The following NLRP13 variants were observed in gnomAD, a reference collection of about 807,000 sequenced individuals.
The protein encoded by NLRP13 is NACHT, LRR and PYD domains-containing protein 13.
In NLRP13, 82 loss-of-function variants were observed where a neutral mutation model predicts 94.4. The observed-to-expected ratio is 0.87, with a 90% CI of 0.73 to 1.04. The LOEUF is 1.04. NLRP13 is among the 50% of genes least tolerant of loss of function. NLRP13 has a pLI of 0.00. For missense variants in NLRP13, 1,426 were observed against 1,230.8 expected, an observed-to-expected ratio of 1.16 and a Z score of -2.37; for synonymous variants, 553 against 464.7, an observed-to-expected ratio of 1.19 and a Z score of -2.45.
At chr19:55,931,884 T>G (rs1023715790) in intron 1 of NLRP13, 109 bp downstream of exon 1, 2 of 874,954 alleles carry the variant, frequency 2.3e-6, no homozygotes, top group African/African-American at 3.4e-5. Flanking sequence ...AAGGAGGATT[T>G]GTAGGGGGAG....
At chr19:55,915,668 G>A (rs926285852) in intron 4 of NLRP13, among the ~76,000 whole-genome samples, 1 of 152,064 alleles carries the variant, frequency 6.6e-6, no homozygotes, top group African/African-American at 2.4e-5. Flanking sequence ...GAGCCCAACA[G>A]AGAACTCATA....
chr19:55,915,049 G>T (rs1296599575), intron 4 of NLRP13, among the ~76,000 whole-genome samples: 5 of 152,118 alleles, frequency 3.3e-5, no homozygotes, highest in African/African-American at 1.2e-4. Flanking sequence ...GGAATGGCAC[G>T]GGGAAAAGAG....
intron 4 of NLRP13, among the ~76,000 whole-genome samples, chr19:55,918,097 A>C (rs1268103301): frequency 1.3e-5 from 2 of 152,058 alleles, no homozygotes; most frequent in Admixed American, 1.3e-4. Context: ...ACTAGAAATC[A>C]ATCTCAAGAG....
intron 7 of NLRP13, among the ~76,000 whole-genome samples, chr19:55,906,758 C>A (rs5006863): frequency 6.8e-6 from 1 of 146,774 alleles, no homozygotes; most frequent in East Asian, 2.0e-4. Context: ...TTACAGACCC[C>A]CCCCTGCTCC....
At chr19:55,913,541 T>C (rs1600270396) in intron 4 of NLRP13, among the ~76,000 whole-genome samples, 5 of 38,248 alleles carry the variant, frequency 1.3e-4, no homozygotes, top group Admixed American at 5.6e-4. Flanking sequence ...AGAGTGAGAC[T>C]CCGTCTCAAA....
chr19:55,924,650 G>C lies in NLRP13; in HGVS notation c.397C>G (p.Gln133Glu), dbSNP rs775524553. 15 of 1,612,468 alleles carry C rather than the reference G, an allele frequency of 9.3e-6. No individual in the cohort carries two copies. In the African/African-American group the frequency reaches 1.2e-4, roughly 13 times the overall value. Residue 133 changes from glutamine to glutamate, a missense_variant, in exon 3 of 11, where the codon CAG (glutamine) becomes GAG (glutamate). Physicochemically the swap from Gln to Glu is conservative, Grantham distance 29. Coordinates refer to ENST00000342929, the MANE Select transcript of NLRP13 (RefSeq NM_176810.2). ...TTTGGATCTTGGCATCCCTGGGTCT[G>C]CATATTCCCTGAAATAAACATTGAC... ...EMLEAAAGNM[Q>E]TQGCQDPNQE...
chr19:55,898,813 G>A lies in NLRP13; in HGVS notation c.2914C>T (p.Leu972=), dbSNP rs372259187. Residue 972 remains leucine (L), a synonymous_variant, in exon 10 of 11, where the codon CTG becomes TTG. Coordinates refer to ENST00000342929, the MANE Select transcript of NLRP13 (RefSeq NM_176810.2). ...NDLQDDGVKL[L]CEALKPHRAL... is the part of the protein sequence containing the mutation. Reference sequence around the variant, plus strand: ...CGATGTGGTTTCAGAGCCTCACACAGTAGCTTCACTCCATCATCCTGAAGA... The same window carrying A: ...CGATGTGGTTTCAGAGCCTCACACAATAGCTTCACTCCATCATCCTGAAGA... The A allele has an allele frequency of 4.3e-5, 69 of 1,613,480 alleles. No individual in the cohort carries two copies. The highest frequency in any genetic ancestry group is 5.7e-5 in the Non-Finnish European group (67 of 1,179,806).
chr19:55,923,426 G>T (rs1986887166), intron 4 of NLRP13, among the ~76,000 whole-genome samples: 1 of 152,214 alleles, frequency 6.6e-6, no homozygotes, highest in African/African-American at 2.4e-5. Context: ...GAAGAATGCA[G>T]GGAAGTTTAT....
chr19:55,893,284 A>G (rs1306601882), downstream of NLRP13, among the ~76,000 whole-genome samples: 1 of 152,046 alleles, frequency 6.6e-6, no homozygotes, highest in Non-Finnish European at 1.5e-5. Context: ...GCTACTCGGG[A>G]GGCTGAGGCA....
intron 9 of NLRP13, among the ~76,000 whole-genome samples, chr19:55,901,194 AGCAAAT>A (rs1986160456): frequency 6.6e-6 from 1 of 152,228 alleles, no homozygotes; most frequent in African/African-American, 2.4e-5. Flanking sequence ...TTCTCAGCAA[AGCAAAT>A]TTACCTCTGC....
At chr19:55,925,715 G>A (rs1986950812) in intron 1 of NLRP13, among the ~76,000 whole-genome samples, 1 of 152,160 alleles carries the variant, frequency 6.6e-6, no homozygotes, top group Admixed American at 6.5e-5. Context: ...TTACTGTGTA[G>A]TACATAGCTG....
intron 1 of NLRP13, among the ~76,000 whole-genome samples, chr19:55,930,900 A>ACGT (rs56336813): frequency 2.8e-4 from 29 of 105,108 alleles, no homozygotes; most frequent in East Asian, 1.0e-3. Context: ...ATATATATAA[A>ACGT]ATTTTAACCA....
chr19:55,925,088 C>G (rs1439109131), intron 1 of NLRP13, 53 bp from the exon 2 acceptor site: 7 of 1,509,892 alleles, frequency 4.6e-6, no homozygotes, highest in African/African-American at 1.4e-5. Context: ...GAAAATGGAC[C>G]AGCAATAATG....
At chr19:55,909,884 T>C (rs1305672585) in intron 6 of NLRP13, among the ~76,000 whole-genome samples, 7 of 152,228 alleles carry the variant, frequency 4.6e-5, no homozygotes, top group Non-Finnish European at 1.0e-4. Context: ...CCTCCTTCCC[T>C]ACACTGAGTC....
chr19:55,930,367 A>G (rs1372855132), intron 1 of NLRP13, among the ~76,000 whole-genome samples: 8 of 152,228 alleles, frequency 5.3e-5, no homozygotes, highest in African/African-American at 1.7e-4. Context: ...AGTCAGTACA[A>G]ATGTATAGAC....
intron 8 of NLRP13, among the ~76,000 whole-genome samples, chr19:55,903,073 A>C (rs989916411): frequency 2.6e-5 from 4 of 151,836 alleles, no homozygotes; most frequent in African/African-American, 9.7e-5. Flanking sequence ...TATAACAGTT[A>C]TAATTATACT....
At chr19:55,903,458 A>C (rs1196165204) in intron 8 of NLRP13, among the ~76,000 whole-genome samples, 1 of 152,158 alleles carries the variant, frequency 6.6e-6, no homozygotes, top group Admixed American at 6.5e-5. Flanking sequence ...AGCACGATGC[A>C]GCTAGAGAAG....
Position 55,912,440 on chromosome 19 carries a change from A to G in NLRP13, c.1377T>C (p.Phe459=), listed in dbSNP as rs1183459314. 6 of 1,614,188 alleles carry G rather than the reference A, an allele frequency of 3.7e-6. No homozygotes were observed. The highest frequency in any genetic ancestry group is 5.1e-6 in the Non-Finnish European group (6 of 1,180,024). ...TQTTTSLYAY[F]FSNLFSTAEV... ...CTGCTGTGGAGAACAAGTTGGAGAA[A>G]AAATAGGCATACAGACTGGTGGTAG... Residue 459 remains phenylalanine, a synonymous_variant, in exon 5 of 11, where the codon TTT becomes TTC. Transcript: ENST00000342929.
In NLRP13 at chr19:55,925,078, G is replaced by C. The variant is rs753178674; in HGVS notation, c.320-43C>G. On this transcript the variant is annotated intron_variant, in intron 1 of 10. Coordinates refer to ENST00000342929, the MANE Select transcript of NLRP13 (RefSeq NM_176810.2). ...GATGACATATGAGAATACCCAGACT[G>C]AAAATGGACCAGCAATAATGGAGTC... The C allele has an allele frequency of 2.6e-6, 4 of 1,559,082 alleles. No homozygotes were observed. In the South Asian group the frequency reaches 4.4e-5, roughly 17 times the overall value.
Sources: allele counts gnomAD v4.1 joint callset (sites outside exome capture counted in the v4.1 genomes callset), GRCh38; gene constraint gnomAD v4.1.1; transcripts MANE v1.5; gene names NCBI Gene and HGNC (gene_info 2026-07-23, HGNC 2026-07-21).